TAOK1: variants seen among roughly 807,000 people sequenced by gnomAD.
TAOK1 encodes the protein TAO kinase 1.
TAOK1 carries 21 observed loss-of-function variants against 138.3 expected under a neutral mutation model. The ratio of observed to expected loss-of-function variants is 0.15; its 90% CI spans 0.11 to 0.22. The LOEUF (loss-of-function observed/expected upper bound fraction) is 0.22, where lower values mean the gene tolerates loss of function less well. Ranked by LOEUF, TAOK1 falls within the 10% of genes least tolerant of loss-of-function variation. The pLI, the probability that TAOK1 is intolerant of heterozygous loss-of-function variation, is 1.00. For synonymous variants in TAOK1, 361 were observed against 398.4 expected, an observed-to-expected ratio of 0.91 and a Z score of 1.12; for missense variants, 651 against 1,227.7, an observed-to-expected ratio of 0.53 and a Z score of 7.02.
At chr17:29,460,383 G>T (rs2030503315) in intron 2 of TAOK1, among the ~76,000 whole-genome samples, 1 of 152,084 alleles carries the variant, frequency 6.6e-6, no homozygotes, top group African/African-American at 2.4e-5. Context: ...GTAGAGACCG[G>T]GTTTCACCAT....
At chr17:29,487,365 G>A (rs1027142460) in intron 8 of TAOK1, among the ~76,000 whole-genome samples, 1 of 151,000 alleles carries the variant, frequency 6.6e-6, no homozygotes, top group African/African-American at 2.4e-5. Flanking sequence ...TTGAGATATT[G>A]TAGTAAATTT....
chr17:29,461,641 A>C (rs1235656714), intron 2 of TAOK1, among the ~76,000 whole-genome samples: 1 of 152,220 alleles, frequency 6.6e-6, no homozygotes, highest in African/African-American at 2.4e-5. Flanking sequence ...CTTTTGGAGA[A>C]AAACTTTGCT....
At chr17:29,450,443 C>G (rs1177484168) in intron 1 of TAOK1, among the ~76,000 whole-genome samples, 1 of 152,090 alleles carries the variant, frequency 6.6e-6, no homozygotes, top group Non-Finnish European at 1.5e-5. Context: ...ACTAGTGTTG[C>G]TGGGATTCCT....
chr17:29,480,352 T>A lies in TAOK1; in HGVS notation c.450-16T>A. Reference sequence around the variant, plus strand: ...TGAGGGAAAGTTAAGTAATTTTCTGTATTCCCTAAACCTAGAGATATCAAA... The same window carrying A: ...TGAGGGAAAGTTAAGTAATTTTCTGAATTCCCTAAACCTAGAGATATCAAA... On this transcript the variant is annotated splice_polypyrimidine_tract_variant and intron_variant, in intron 6 of 19. Transcript: ENST00000261716. 1 of 1,577,242 alleles carries A rather than the reference T, an allele frequency of 6.3e-7. No individual in the cohort carries two copies. The highest frequency in any genetic ancestry group is 1.1e-5 in the South Asian group (1 of 88,578).
chr17:29,527,326 G>A (rs2032028676), intron 17 of TAOK1, among the ~76,000 whole-genome samples: 2 of 152,192 alleles, frequency 1.3e-5, no homozygotes, highest in African/African-American at 2.4e-5. Context: ...GCCAGGCGTG[G>A]TGGTAGCTCA....
intron 17 of TAOK1, among the ~76,000 whole-genome samples, chr17:29,529,518 G>A (rs1172806346): frequency 1.3e-5 from 2 of 151,998 alleles, no homozygotes; most frequent in African/African-American, 4.8e-5. Context: ...GATTGCTTGA[G>A]CCCAGGAATT....
chr17:29,536,050 T>C (rs1598529019), intron 19 of TAOK1, among the ~76,000 whole-genome samples: 1 of 151,986 alleles, frequency 6.6e-6, no homozygotes, highest in East Asian at 1.9e-4. Flanking sequence ...CCCAGCACTT[T>C]GGGAGGCCGA....
chr17:29,423,834 G>T (rs1002088390), intron 1 of TAOK1, among the ~76,000 whole-genome samples: 2 of 151,948 alleles, frequency 1.3e-5, no homozygotes, highest in Admixed American at 1.3e-4. Flanking sequence ...GATTGTTTGA[G>T]GTCAGGAGTT....
intron 18 of TAOK1, among the ~76,000 whole-genome samples, chr17:29,532,395 GGGGGATTT>G: frequency 6.6e-6 from 1 of 150,406 alleles, no homozygotes; most frequent in African/African-American, 2.4e-5. Context: ...TTCTCGCAGA[GGGGGATTT>G]GGCAGGGTCA....
intron 1 of TAOK1, among the ~76,000 whole-genome samples, chr17:29,432,102 G>A (rs1209495548): frequency 1.3e-5 from 2 of 152,210 alleles, no homozygotes; most frequent in Non-Finnish European, 2.9e-5. Flanking sequence ...ATAAAGTGTG[G>A]AGTGGGAAAT....
intron 13 of TAOK1, among the ~76,000 whole-genome samples, chr17:29,504,564 GGAGGCT>G (rs2031596471): frequency 6.6e-6 from 1 of 152,006 alleles, no homozygotes; most frequent in Non-Finnish European, 1.5e-5. Flanking sequence ...CGGCTACTTG[GGAGGCT>G]GAGGCAGGAG....
intron 2 of TAOK1, among the ~76,000 whole-genome samples, chr17:29,462,394 T>G (rs1222253298): frequency 6.6e-6 from 1 of 152,150 alleles, no homozygotes; most frequent in African/African-American, 2.4e-5. Context: ...TGTCAGTAGA[T>G]GGGTCACACA....
At chr17:29,456,107 G>A (rs2030370500) in intron 2 of TAOK1, among the ~76,000 whole-genome samples, 1 of 150,354 alleles carries the variant, frequency 6.7e-6, no homozygotes, top group Non-Finnish European at 1.5e-5. Context: ...CAGCACTTTG[G>A]GAGGCCAAGG....
chr17:29,414,891 C>G (rs904639978), intron 1 of TAOK1, among the ~76,000 whole-genome samples: 2 of 151,932 alleles, frequency 1.3e-5, no homozygotes, highest in African/African-American at 4.8e-5. Context: ...GAATAATATT[C>G]CATTATATTT....
At chr17:29,519,260 T>C (rs1407284215) in intron 16 of TAOK1, among the ~76,000 whole-genome samples, 2 of 152,096 alleles carry the variant, frequency 1.3e-5, no homozygotes, top group Admixed American at 6.6e-5. Flanking sequence ...GCTGTGATCC[T>C]AGCACTTTGG....
intron 1 of TAOK1, among the ~76,000 whole-genome samples, chr17:29,394,150 GTTTTTTTTTTTTT>G (rs58117433): frequency 3.2e-3 from 155 of 48,286 alleles, no homozygotes; most frequent in African/African-American, 8.1e-3. Flanking sequence ...TAATTTGCCA[GTTTTTTTTTTTTT>G]TTTTTTTTTT....
At chr17:29,507,600 A>G (rs1309533628) in intron 13 of TAOK1, among the ~76,000 whole-genome samples, 2 of 152,156 alleles carry the variant, frequency 1.3e-5, no homozygotes, top group African/African-American at 2.4e-5. Context: ...TCCTTGATCT[A>G]CTTAGCCTAT....
At chr17:29,525,371 A>G (rs1313899268) in intron 17 of TAOK1, among the ~76,000 whole-genome samples, 4 of 151,862 alleles carry the variant, frequency 2.6e-5, no homozygotes, top group Non-Finnish European at 4.4e-5. Flanking sequence ...TCGGCCTCCC[A>G]AAGTGCTGGG....
chr17:29,533,842 G>GTGGGGAGA lies in TAOK1; in HGVS notation c.2362-276_2362-275insTGGGGAGA, dbSNP rs1567747968. Among the ~76,000 whole-genome samples the GTGGGGAGA allele has an allele frequency of 1.4e-3, 155 of 111,204 alleles. No homozygotes were observed. The Middle Eastern group carries it at 0.028, about 20-fold the overall frequency. 73.0% of individuals were successfully genotyped at this position (111,204 alleles called of 152,430 possible). On this transcript the variant is annotated intron_variant, in intron 18 of 19. Transcript: ENST00000261716. The stretch of plus-strand genomic sequence containing the variant: ...AGAGGGAGACCGTGGGGAGAGGGAG[G>GTGGGGAGA]GGGAGGGGGAGAGGGGATTCTAGGT...
Sources: gnomAD v4.1 joint callset for allele counts (sites outside exome capture counted in the v4.1 genomes callset) on GRCh38, gnomAD v4.1.1 for gene constraint, MANE v1.5 for transcripts, NCBI Gene and HGNC (gene_info 2026-07-23, HGNC 2026-07-21) for gene names.